SREBF2: variants seen among roughly 807,000 people sequenced by gnomAD.
SREBF2 encodes the protein sterol regulatory element-binding protein 2.
A neutral mutation model predicts 113.1 loss-of-function variants in SREBF2; 55 were observed. The observed-to-expected ratio is 0.49, with a 90% CI of 0.39 to 0.61. The LOEUF (loss-of-function observed/expected upper bound fraction) is 0.61. Ranked by LOEUF, SREBF2 falls within the 20% of genes least tolerant of loss-of-function variation. The pLI is 0.00. For missense variants in SREBF2, 1,349 were observed against 1,487.4 expected, an observed-to-expected ratio of 0.91 and a Z score of 1.53; for synonymous variants, 593 against 605.7, an observed-to-expected ratio of 0.98 and a Z score of 0.31.
intron 5 of SREBF2, among the ~76,000 whole-genome samples, chr22:41,874,862 G>A (rs542609856): frequency 5.3e-4 from 81 of 152,124 alleles, no homozygotes; most frequent in Admixed American, 2.0e-3. Flanking sequence ...ATCTGAGATC[G>A]CGCCATTGCA....
chr22:41,860,770 C>T (rs2077019609), intron 1 of SREBF2, among the ~76,000 whole-genome samples: 1 of 152,066 alleles, frequency 6.6e-6, no homozygotes, highest in African/African-American at 2.4e-5. Flanking sequence ...CTTGTAGTCC[C>T]AGCTACTCAG....
chr22:41,904,678 G>C, intron 17 of SREBF2, 185 bp from the exon 18 acceptor site: 1 of 714,442 alleles, frequency 1.4e-6, no homozygotes. Context: ...GTTCAGCCAG[G>C]TTTCCTGCCT....
At chr22:41,859,709 G>C (rs528468286) in intron 1 of SREBF2, among the ~76,000 whole-genome samples, 32 of 149,670 alleles carry the variant, frequency 2.1e-4, no homozygotes, top group African/African-American at 6.9e-4. Context: ...TGAGTTAGCT[G>C]TAATTGTTAG....
chr22:41,852,072 G>A (rs2076937345), intron 1 of SREBF2, among the ~76,000 whole-genome samples: 1 of 152,046 alleles, frequency 6.6e-6, no homozygotes, highest in Non-Finnish European at 1.5e-5. Context: ...AGTGAGCAGA[G>A]ATTGTGCCAC....
At chr22:41,870,644 A>G (rs1171841943) in intron 3 of SREBF2, among the ~76,000 whole-genome samples, 1 of 151,438 alleles carries the variant, frequency 6.6e-6, no homozygotes, top group Non-Finnish European at 1.5e-5. Flanking sequence ...AAAAAAAAAA[A>G]AAAAAAAGCC....
At chr22:41,867,834 C>T (rs927114546) in intron 2 of SREBF2, among the ~76,000 whole-genome samples, 2 of 152,034 alleles carry the variant, frequency 1.3e-5, no homozygotes, top group Admixed American at 1.3e-4. Context: ...ATCCAGCAAG[C>T]ATAGTAGACA....
chr22:41,888,399 C>G (rs2077319921), intron 11 of SREBF2, among the ~76,000 whole-genome samples: 1 of 152,200 alleles, frequency 6.6e-6, no homozygotes, highest in South Asian at 2.1e-4. Context: ...AACTATCCTT[C>G]CCCTGCTGCA....
At chr22:41,873,385 A>C (rs574132631) in intron 4 of SREBF2, among the ~76,000 whole-genome samples, 2 of 152,238 alleles carry the variant, frequency 1.3e-5, no homozygotes, top group South Asian at 4.1e-4. Context: ...TAATTTGCTT[A>C]ATTGTCATTT....
intron 1 of SREBF2, among the ~76,000 whole-genome samples, chr22:41,835,742 C>T (rs1247710709): frequency 1.3e-5 from 2 of 152,218 alleles, no homozygotes; most frequent in Non-Finnish European, 2.9e-5. Context: ...ATCCTCCCAG[C>T]TCAGCTTCCC....
rs1425394159 is a variant in SREBF2, at chr22:41,904,927, T to G, written c.3158T>G (p.Leu1053Arg). The change falls in exon 18 of 19, where the codon CTG becomes CGG. Residue 1053 changes from leucine to arginine, a missense_variant. Coordinates refer to ENST00000361204, the MANE Select transcript of SREBF2 (RefSeq NM_004599.4). ...GCCAGCCCCACCCGCACCCACCAGC[T>G]GCTGGAACACAGCCTGCGGCGGCGC... ...AGASPTRTHQ[L>R]LEHSLRRRTT... 5 of 1,606,142 alleles carry G rather than the reference T, an allele frequency of 3.1e-6. No individual in the cohort carries two copies. Among genetic ancestry groups the G allele is most frequent in the Non-Finnish European group, 4.2e-6 (5 of 1,178,972 alleles).
chr22:41,881,065 G>T, intron 10 of SREBF2, 73 bp downstream of exon 10: 1 of 1,561,696 alleles, frequency 6.4e-7, no homozygotes, highest in Non-Finnish European at 8.6e-7. Context: ...AGCTTGATTT[G>T]CCAGTTCTGC....
intron 1 of SREBF2, among the ~76,000 whole-genome samples, chr22:41,846,210 A>G (rs2076875385): frequency 6.6e-6 from 1 of 152,228 alleles, no homozygotes; most frequent in African/African-American, 2.4e-5. Context: ...GCTTCTATCT[A>G]GCTTGAACAG....
At chr22:41,859,542 G>C (rs1168957071) in intron 1 of SREBF2, among the ~76,000 whole-genome samples, 1 of 151,862 alleles carries the variant, frequency 6.6e-6, no homozygotes, top group Non-Finnish European at 1.5e-5. Context: ...ATTGTTTCTG[G>C]ATGTATCTGA....
At chr22:41,876,613 A>C (rs2077199913) in intron 7 of SREBF2, among the ~76,000 whole-genome samples, 1 of 152,206 alleles carries the variant, frequency 6.6e-6, no homozygotes, top group Admixed American at 6.5e-5. Flanking sequence ...GGTGTAGACA[A>C]TGATACAGTT....
rs1055410953 is a variant in SREBF2 at position 41,905,985 on chromosome 22, A to G, written c.*325A>G. 1 of 565,506 alleles carries G rather than the reference A, an allele frequency of 1.8e-6. No homozygotes were observed. The highest frequency in any genetic ancestry group is 3.4e-6 in the Non-Finnish European group (1 of 298,100). The allele number at this position is 565,506 out of a possible 1,614,324, so 35.0% of individuals were successfully genotyped here. On this transcript the variant is annotated 3_prime_UTR_variant, in exon 19 of 19. Transcript: ENST00000361204. ...CCTGAGTTTCTCTCTCCTGAACCCT[A>G]CTCTCTCCTTTTTGCTTCCTCAGTT...
chr22:41,895,576 C>T (rs186765981), intron 13 of SREBF2, among the ~76,000 whole-genome samples: 175 of 151,792 alleles, frequency 1.2e-3, no homozygotes, highest in African/African-American at 4.1e-3. Context: ...GCTGGGATTA[C>T]AGGCGCCCAC....
At chr22:41,870,777 T>C in intron 3 of SREBF2, 112 bp from the exon 4 acceptor site, 2 of 1,439,972 alleles carry the variant, frequency 1.4e-6, no homozygotes, top group Non-Finnish European at 1.9e-6. Context: ...CTCAATTTCA[T>C]AAAAATTATA....
intron 1 of SREBF2, among the ~76,000 whole-genome samples, chr22:41,847,654 C>A (rs1440908513): frequency 6.6e-6 from 1 of 152,190 alleles, no homozygotes; most frequent in African/African-American, 2.4e-5. Context: ...CACCTGCTGA[C>A]TGGGTGACAT....
intron 17 of SREBF2, chr22:41,904,399 A>T (rs552404373): frequency 3.2e-4 from 116 of 361,046 alleles, no homozygotes; most frequent in African/African-American, 2.4e-3. Context: ...AGCGCTGCAG[A>T]CTTTACCCGC....
Sources: gnomAD v4.1 joint callset for allele counts (sites outside exome capture counted in the v4.1 genomes callset) on GRCh38, gnomAD v4.1.1 for gene constraint, MANE v1.5 for transcripts, NCBI Gene and HGNC (gene_info 2026-07-23, HGNC 2026-07-21) for gene names.